SMIM41: variants seen among roughly 807,000 people sequenced by gnomAD.
SMIM41 encodes the protein small integral membrane protein 41.
chr12:52,103,622 G>T (rs951832645), intron 2 of SMIM41, among the ~76,000 whole-genome samples: 4 of 151,980 alleles, frequency 2.6e-5, no homozygotes, highest in African/African-American at 9.7e-5. Context: ...AGCTGGGTGT[G>T]GTGGCACACG....
Position 52,081,851 on chromosome 12 carries a change from C to G in SMIM41, c.*120+1670C>G, listed in dbSNP as rs958982858. Among the ~76,000 whole-genome samples the G allele has an allele frequency of 5.3e-5, 8 of 152,196 alleles. No homozygotes were observed. The highest frequency in any genetic ancestry group is 4.6e-4 in the Admixed American group (7 of 15,286). On this transcript the variant is annotated intron_variant, in intron 1 of 2. Transcript: ENST00000546390. The surrounding 1 kb of genome is among the most constrained non-coding windows in gnomAD (Gnocchi z 4.1). Reference sequence around the variant, plus strand: ...ACAGAGCTGGAAGCAGACCCTGGGCCCTGATTCCAAGTTCAGGCCCCCTTC... The same window carrying G: ...ACAGAGCTGGAAGCAGACCCTGGGCGCTGATTCCAAGTTCAGGCCCCCTTC...
At chr12:52,091,244 G>A (rs547558878) in intron 2 of SMIM41, among the ~76,000 whole-genome samples, 7 of 152,096 alleles carry the variant, frequency 4.6e-5, no homozygotes, top group East Asian at 1.9e-4. Context: ...TTCCCATCAC[G>A]GGTTTCAGGT....
chr12:52,085,278 A>G (rs1381478659), intron 2 of SMIM41, among the ~76,000 whole-genome samples: 1 of 152,088 alleles, frequency 6.6e-6, no homozygotes, highest in Non-Finnish European at 1.5e-5. Context: ...TTCTGGCAGT[A>G]GAGCCTGGTG....
intron 2 of SMIM41, among the ~76,000 whole-genome samples, chr12:52,103,435 A>T (rs1228770532): frequency 6.6e-6 from 1 of 152,134 alleles, no homozygotes; most frequent in Non-Finnish European, 1.5e-5. Context: ...CCTTGAAGAG[A>T]TTATCGTCAG....
At chr12:52,090,907 C>G (rs1939990659) in intron 2 of SMIM41, among the ~76,000 whole-genome samples, 1 of 152,202 alleles carries the variant, frequency 6.6e-6, no homozygotes. Flanking sequence ...ACACACTGAA[C>G]CTCACTGGAT....
In SMIM41 at chr12:52,079,851, GCCGCCGGAGCCCC is replaced by G; in HGVS notation, c.76_88del (p.Pro26ArgfsTer36). 2 of 392,890 alleles carry G rather than the reference GCCGCCGGAGCCCC, an allele frequency of 5.1e-6. No homozygotes were observed. Among genetic ancestry groups the G allele is most frequent in the Non-Finnish European group, 9.0e-6 (2 of 222,274 alleles). The allele number at this position is 392,890 out of a possible 1,614,324, so 24.3% of individuals were successfully genotyped here. The stretch of plus-strand genomic sequence containing the variant: ...GCTCCTGCTGTAACCAGTCGGCGTC[GCCGCCGGAGCCCC>G]CCGAGGGGCCGCGCGCGGTGCAGGC... On this transcript the variant is annotated frameshift_variant, in exon 1 of 3. Coordinates refer to ENST00000546390, the MANE Select transcript of SMIM41 (RefSeq NM_001369216.1). LOFTEE classifies it high-confidence loss of function.
intron 2 of SMIM41, chr12:52,092,187 G>T (rs1940017867): frequency 6.6e-6 from 1 of 152,212 alleles, no homozygotes; most frequent in Non-Finnish European, 1.5e-5. Flanking sequence ...CTGCCTGCTG[G>T]TTCCCAATTT....
At chr12:52,089,167 G>A (rs893012673) in intron 2 of SMIM41, among the ~76,000 whole-genome samples, 7 of 152,114 alleles carry the variant, frequency 4.6e-5, no homozygotes, top group African/African-American at 1.7e-4. Context: ...CTGTCAGATG[G>A]TGTATTAGCT....
chr12:52,104,460 C>T (rs1179272020), intron 2 of SMIM41, among the ~76,000 whole-genome samples: 1 of 152,112 alleles, frequency 6.6e-6, no homozygotes, highest in Non-Finnish European at 1.5e-5. Context: ...CTCCATCGTG[C>T]ACCACGCAGG....
intron 2 of SMIM41, among the ~76,000 whole-genome samples, chr12:52,091,388 C>T (rs1940001531): frequency 6.6e-6 from 1 of 152,220 alleles, no homozygotes; most frequent in South Asian, 2.1e-4. Context: ...CCATTCACCC[C>T]TATGAGAGCT....
intron 2 of SMIM41, among the ~76,000 whole-genome samples, chr12:52,089,126 G>C (rs1014038510): frequency 5.3e-5 from 8 of 152,092 alleles, no homozygotes; most frequent in Admixed American, 3.9e-4. Flanking sequence ...ATGTGAGACA[G>C]ATGATAAAGT....
At chr12:52,088,464 A>T (rs1267869531) in intron 2 of SMIM41, among the ~76,000 whole-genome samples, 1 of 152,068 alleles carries the variant, frequency 6.6e-6, no homozygotes, top group Non-Finnish European at 1.5e-5. Flanking sequence ...AGGACTGTGG[A>T]AGGTGCCAGA....
chr12:52,101,879 ATGT>A lies in SMIM41; in HGVS notation c.*196-5496_*196-5494del, dbSNP rs1181855527. Among the ~76,000 whole-genome samples, 10 of 152,060 alleles carry A rather than the reference ATGT, an allele frequency of 6.6e-5. No individual in the cohort carries two copies. In the East Asian group the frequency reaches 1.9e-3, roughly 29 times the overall value. Reference sequence around the variant, plus strand: ...AGGCATGCGCCAGCACACCCAGCTAATGTTGTATTTTTAGTAGAGACGGGGGTT... The same window carrying A: ...AGGCATGCGCCAGCACACCCAGCTAATGTATTTTTAGTAGAGACGGGGGTT... On this transcript the variant is annotated intron_variant, in intron 2 of 2. Coordinates refer to ENST00000546390, the MANE Select transcript of SMIM41 (RefSeq NM_001369216.1).
intron 2 of SMIM41, among the ~76,000 whole-genome samples, chr12:52,102,001 C>T (rs1565671262): frequency 6.6e-6 from 1 of 152,236 alleles, no homozygotes; most frequent in East Asian, 1.9e-4. Context: ...GCGTGAGCAA[C>T]TGCGCTCGGC....
chr12:52,080,937 T>C (rs1382666172), intron 1 of SMIM41, among the ~76,000 whole-genome samples: 2 of 151,226 alleles, frequency 1.3e-5, no homozygotes, highest in Non-Finnish European at 3.0e-5. Context: ...GTGTGGTGTG[T>C]GTTGGGGGGT....
At chr12:52,106,658 A>G (rs202153257) in intron 2 of SMIM41, among the ~76,000 whole-genome samples, 1,784 of 139,438 alleles carry the variant, frequency 0.013, no homozygotes, top group African/African-American at 0.044. Context: ...TCTGATGAAA[A>G]CTCTAAGTCC....
chr12:52,085,075 G>A (rs778114041), intron 2 of SMIM41, among the ~76,000 whole-genome samples: 5 of 152,178 alleles, frequency 3.3e-5, no homozygotes, highest in Admixed American at 1.3e-4. Context: ...TGTGTTATCA[G>A]TTAGAACTTT....
At chr12:52,085,850 A>G (rs898770914) in intron 2 of SMIM41, among the ~76,000 whole-genome samples, 2 of 152,202 alleles carry the variant, frequency 1.3e-5, no homozygotes, top group African/African-American at 4.8e-5. Flanking sequence ...CTGGGTGGCC[A>G]TGAGATAACT....
rs1270647001 is a variant in SMIM41 at position 52,096,720 on chromosome 12, C to T, written c.*196-10659C>T. On this transcript the variant is annotated intron_variant, in intron 2 of 2. Transcript: ENST00000546390. ...AACTATTGCATATTGTCATTATTATCGGTAGTGATTTTAAAAATTATATTA... is the reference window on the plus strand; with the variant it reads ...AACTATTGCATATTGTCATTATTATTGGTAGTGATTTTAAAAATTATATTA... 2.6e-5 allele frequency among the ~76,000 whole-genome samples: 4 copies of T among 151,244 alleles called. No individual in the cohort carries two copies. In the South Asian group the frequency reaches 6.3e-4, roughly 24 times the overall value.
Sources: allele counts gnomAD v4.1 joint callset (sites outside exome capture counted in the v4.1 genomes callset), GRCh38; gene constraint gnomAD v4.1.1; non-coding constraint Gnocchi (gnomAD v3.1); transcripts MANE v1.5; gene names NCBI Gene and HGNC (gene_info 2026-07-23, HGNC 2026-07-21).